ADAMTSL3: variants seen among roughly 807,000 people sequenced by gnomAD.
ADAMTSL3 encodes the protein ADAMTS like 3, also known as ADAMTS-like protein 3.
A neutral mutation model predicts 201.7 loss-of-function variants in ADAMTSL3; 128 were observed. The observed-to-expected ratio is 0.63, with a 90% CI of 0.55 to 0.73. The LOEUF (loss-of-function observed/expected upper bound fraction) is 0.73, where lower values mean the gene tolerates loss of function less well. Ranked by LOEUF, ADAMTSL3 falls within the 30% of genes least tolerant of loss-of-function variation. The pLI is 0.00. For missense variants in ADAMTSL3, 1,990 were observed against 2,119.6 expected (o/e 0.94, Z 1.20); for synonymous variants, 738 against 748.4 (o/e 0.99, Z 0.23).
At chr15:84,025,196 G>T (rs2068279937) in intron 26 of ADAMTSL3, 42 bp from the exon 27 acceptor site, 1 of 1,519,336 alleles carries the variant, frequency 6.6e-7, no homozygotes. Context: ...CTAAGATCTG[G>T]CATACCAGTC....
At chr15:83,766,368 GCA>G (rs2062891135) in intron 3 of ADAMTSL3, among the ~76,000 whole-genome samples, 1 of 152,226 alleles carries the variant, frequency 6.6e-6, no homozygotes, top group Non-Finnish European at 1.5e-5. Context: ...ATGAACGAAT[GCA>G]TGTGAGTTCA....
intron 9 of ADAMTSL3, among the ~76,000 whole-genome samples, chr15:83,878,758 G>T (rs1234657876): frequency 6.7e-6 from 1 of 149,648 alleles, no homozygotes; most frequent in East Asian, 2.0e-4. Context: ...TGAAGGAAAG[G>T]GTTTGCTTGT....
At chr15:84,004,058 G>A (rs1253387665) in intron 23 of ADAMTSL3, among the ~76,000 whole-genome samples, 1 of 152,196 alleles carries the variant, frequency 6.6e-6, no homozygotes. Context: ...TATGGGAAGA[G>A]CCCCATAGGA....
intron 7 of ADAMTSL3, among the ~76,000 whole-genome samples, chr15:83,842,216 T>A (rs1432955340): frequency 6.6e-6 from 1 of 151,260 alleles, no homozygotes; most frequent in Non-Finnish European, 1.5e-5. Context: ...TCTCAGCAGA[T>A]GGATGAGGAG....
chr15:83,835,668 A>AT (rs1418659569), intron 6 of ADAMTSL3, among the ~76,000 whole-genome samples: 2 of 152,224 alleles, frequency 1.3e-5, no homozygotes, highest in Non-Finnish European at 1.5e-5. Context: ...TAATAGTGGT[A>AT]TTACTCCCCT....
chr15:83,935,328 T>C (rs1053136089), intron 17 of ADAMTSL3, among the ~76,000 whole-genome samples: 2 of 152,202 alleles, frequency 1.3e-5, no homozygotes, highest in African/African-American at 4.8e-5. Context: ...GTCATTCTGA[T>C]GGATCATGAC....
intron 3 of ADAMTSL3, among the ~76,000 whole-genome samples, chr15:83,758,155 C>G (rs912839977): frequency 3.3e-5 from 5 of 152,150 alleles, no homozygotes; most frequent in African/African-American, 1.2e-4. Context: ...CTACCAGTAC[C>G]AATTTACTGT....
At chr15:83,773,458 C>A in intron 3 of ADAMTSL3, 65 bp from the exon 4 acceptor site, 3 of 1,539,076 alleles carry the variant, frequency 1.9e-6, no homozygotes, top group Non-Finnish European at 2.7e-6. Context: ...TGGGATATTT[C>A]TACCACATTT....
intron 10 of ADAMTSL3, among the ~76,000 whole-genome samples, chr15:83,887,254 C>T (rs965805093): frequency 6.6e-6 from 1 of 152,108 alleles, no homozygotes; most frequent in African/African-American, 2.4e-5. Flanking sequence ...ACTATTTTTG[C>T]CATATCTGTG....
Position 83,775,726 on chromosome 15 carries a change from A to G in ADAMTSL3, c.317+2076A>G, listed in dbSNP as rs571683744. On this transcript the variant is annotated intron_variant, in intron 4 of 29. Coordinates refer to ENST00000286744, the MANE Select transcript of ADAMTSL3 (RefSeq NM_207517.3). ...CTGACTGTTGTGAGCACTTTGATGG[A>G]TTTTCTGAGAAATTGCCTTTGCCCT... Among the ~76,000 whole-genome samples, 3 of 152,178 alleles carry G rather than the reference A, an allele frequency of 2.0e-5. No homozygotes were observed. In the East Asian group the frequency reaches 5.8e-4, roughly 30 times the overall value.
At position 84,025,344 on chromosome 15, in the gene ADAMTSL3, G is replaced by C. The variant is rs201111545; in HGVS notation, c.4564G>C (p.Val1522Leu). ...RTKANGTVQVVSPRACAPKDR... is the reference protein window; with the variant it reads ...RTKANGTVQVLSPRACAPKDR... ...AAAAGCCAATGGAACTGTGCAGGTG[G>C]TGTCTCCAAGAGCATGTGCCCCTAA... The change falls in exon 27 of 30, where the codon GTG becomes CTG. Residue 1522 changes from valine to leucine, a missense_variant. Coordinates refer to ENST00000286744, the MANE Select transcript of ADAMTSL3 (RefSeq NM_207517.3). 3 of 1,614,190 alleles carry C rather than the reference G, an allele frequency of 1.9e-6. No homozygotes were observed. In the East Asian group the frequency reaches 6.7e-5, roughly 36 times the overall value.
At chr15:84,027,412 C>T (rs556005910) in intron 27 of ADAMTSL3, among the ~76,000 whole-genome samples, 3 of 152,214 alleles carry the variant, frequency 2.0e-5, no homozygotes, top group African/African-American at 7.2e-5. Context: ...GATCTATATC[C>T]TAGGGCAAAA....
Position 83,960,539 on chromosome 15 carries a change from A to G in ADAMTSL3, c.2491-9945A>G, listed in dbSNP as rs572391522. Among the ~76,000 whole-genome samples, 9 of 152,292 alleles carry G rather than the reference A, an allele frequency of 5.9e-5. 1 individual carries two copies. The South Asian group carries it at 1.9e-3, about 32-fold the overall frequency. ...AAAAACTGAGGATGTCCCTTGCAGAACCATGATGGGAGACATAGCTGAGGG... is the reference window on the plus strand; with the variant it reads ...AAAAACTGAGGATGTCCCTTGCAGAGCCATGATGGGAGACATAGCTGAGGG... On this transcript the variant is annotated intron_variant, in intron 19 of 29. Transcript: ENST00000286744.
At chr15:83,914,848 G>T (rs74578830) in intron 16 of ADAMTSL3, among the ~76,000 whole-genome samples, 50 of 68,478 alleles carry the variant, frequency 7.3e-4, no homozygotes, top group Non-Finnish European at 9.2e-4. Flanking sequence ...TGTTTGTTTG[G>T]TTTTGTTTGT....
At chr15:83,793,438 C>T (rs970700627) in intron 4 of ADAMTSL3, among the ~76,000 whole-genome samples, 2 of 151,002 alleles carry the variant, frequency 1.3e-5, no homozygotes, top group African/African-American at 4.9e-5. Context: ...ACGATAAATA[C>T]ATACAATTTT....
At chr15:83,735,957 T>C (rs554811967) in intron 3 of ADAMTSL3, among the ~76,000 whole-genome samples, 151 of 152,064 alleles carry the variant, frequency 9.9e-4, no homozygotes, top group Admixed American at 4.0e-3. Flanking sequence ...AAGGGAGAAA[T>C]AATCCTGTTT....
chr15:83,837,254 A>C (rs1266480358), intron 6 of ADAMTSL3, among the ~76,000 whole-genome samples: 2 of 152,030 alleles, frequency 1.3e-5, no homozygotes, highest in Non-Finnish European at 2.9e-5. Context: ...AAAGACAAGG[A>C]GATATAAAGA....
At chr15:83,886,328 A>G (rs2065390682) in intron 10 of ADAMTSL3, among the ~76,000 whole-genome samples, 1 of 152,222 alleles carries the variant, frequency 6.6e-6, no homozygotes, top group South Asian at 2.1e-4. Flanking sequence ...CAGTGGTACT[A>G]TGTGTTTACC....
chr15:83,733,848 A>G (rs935114971), intron 3 of ADAMTSL3, among the ~76,000 whole-genome samples: 2 of 152,156 alleles, frequency 1.3e-5, no homozygotes, highest in Non-Finnish European at 2.9e-5. Flanking sequence ...GACTTAGATA[A>G]TTTATTTGGC....
Sources: allele counts gnomAD v4.1 joint callset (sites outside exome capture counted in the v4.1 genomes callset), GRCh38; gene constraint gnomAD v4.1.1; transcripts MANE v1.5; gene names NCBI Gene and HGNC (gene_info 2026-07-23, HGNC 2026-07-21).